The following OSMR variants were observed in gnomAD, a reference collection of about 807,000 sequenced individuals.
OSMR encodes the protein oncostatin M receptor.
Under a neutral mutation model 99.9 loss-of-function variants are expected in OSMR, and 81 were observed. That is an observed-to-expected ratio of 0.81 (90% CI 0.68 to 0.97). The LOEUF is 0.97. Ranked by LOEUF, OSMR falls within the 50% of genes least tolerant of loss-of-function variation. The pLI, the probability that OSMR is intolerant of heterozygous loss-of-function variation, is 0.00. For synonymous variants in OSMR, 406 were observed against 410.4 expected, an observed-to-expected ratio of 0.99 and a Z score of 0.13; for missense variants, 1,099 against 1,153.4, an observed-to-expected ratio of 0.95 and a Z score of 0.68.
chr5:38,891,061 T>A (rs1382331072), intron 7 of OSMR, among the ~76,000 whole-genome samples: 1 of 152,240 alleles, frequency 6.6e-6, no homozygotes, highest in African/African-American at 2.4e-5. Context: ...TAGTGGATTT[T>A]AATTGGCCAT....
intron 1 of OSMR, chr5:38,942,883 G>A (rs1294184642): frequency 2.5e-6 from 4 of 1,611,884 alleles, no homozygotes; most frequent in Non-Finnish European, 3.4e-6. Flanking sequence ...CTCCGACACG[G>A]AAGTCTGAAT....
At chr5:38,908,613 C>A (rs1163895072) in intron 9 of OSMR, among the ~76,000 whole-genome samples, 1 of 152,188 alleles carries the variant, frequency 6.6e-6, no homozygotes, top group Non-Finnish European at 1.5e-5. Flanking sequence ...TGATACCAGT[C>A]CTGCAGAGTT....
intron 9 of OSMR, among the ~76,000 whole-genome samples, chr5:38,907,569 C>A (rs530121312): frequency 3.4e-3 from 522 of 152,282 alleles, no homozygotes; most frequent in Non-Finnish European, 5.6e-3. Context: ...TCTGAGTGAT[C>A]CCCTGTCTGC....
intron 9 of OSMR, among the ~76,000 whole-genome samples, chr5:38,910,495 G>A (rs116075111): frequency 0.011 from 1,603 of 152,114 alleles, 19 homozygotes; most frequent in South Asian, 0.04. Flanking sequence ...AAGAAAACCC[G>A]AAATAATACC....
chr5:38,854,011 G>A (rs1480752562), intron 1 of OSMR, among the ~76,000 whole-genome samples: 1 of 151,474 alleles, frequency 6.6e-6, no homozygotes, highest in Non-Finnish European at 1.5e-5. Flanking sequence ...CTCTTCAAAG[G>A]GGCTCTCAAA....
intron 7 of OSMR, chr5:38,886,479 G>T (rs112219405): frequency 2.1e-5 from 10 of 478,770 alleles, no homozygotes; most frequent in South Asian, 4.9e-5. Context: ...CCCCACCTTC[G>T]CTCCTTCCGC....
At chr5:38,908,341 C>A (rs1745374423) in intron 9 of OSMR, among the ~76,000 whole-genome samples, 1 of 152,228 alleles carries the variant, frequency 6.6e-6, no homozygotes, top group South Asian at 2.1e-4. Flanking sequence ...CCTGCATCCC[C>A]CCACCAGGGC....
chr5:38,903,713 G>T, intron 7 of OSMR, 169 bp from the exon 8 acceptor site: 2 of 874,282 alleles, frequency 2.3e-6, no homozygotes, highest in Non-Finnish European at 1.4e-6. Context: ...GAGAGAGAAA[G>T]GCTGTAGTTG....
In OSMR at chr5:38,855,601, C is replaced by CATTCTCAA. The variant is rs550292235; in HGVS notation, c.-14+9219_-14+9226dup. Among the ~76,000 whole-genome samples, 6 of 152,196 alleles carry CATTCTCAA rather than the reference C, an allele frequency of 3.9e-5. No homozygotes were observed. The South Asian group carries it at 1.2e-3, about 32-fold the overall frequency. On this transcript the variant is annotated intron_variant, in intron 1 of 17. Transcript: ENST00000274276. ...GTCCTGTCAGCTCTATCTTTTAAAT[C>CATTCTCAA]ATTCTCAAATTCCACCACTGCTCAC...
chr5:38,912,328 A>G (rs1745641238), intron 9 of OSMR, among the ~76,000 whole-genome samples: 2 of 152,190 alleles, frequency 1.3e-5, no homozygotes, highest in Non-Finnish European at 2.9e-5. Context: ...TACTTTCGAT[A>G]CTCACATACA....
downstream of OSMR, chr5:38,940,262 A>G (rs1478473919): frequency 4.3e-6 from 1 of 231,332 alleles, no homozygotes; most frequent in African/African-American, 2.2e-5. Context: ...TGTGTGTAAG[A>G]CAAAAAAAAA....
chr5:38,894,739 G>A (rs928104558), intron 7 of OSMR, among the ~76,000 whole-genome samples: 1 of 151,968 alleles, frequency 6.6e-6, no homozygotes, highest in Non-Finnish European at 1.5e-5. Flanking sequence ...ACTTAGATAA[G>A]CACACAACCA....
At chr5:38,869,257 G>A (rs1742187563) in intron 2 of OSMR, 140 bp downstream of exon 2, 1 of 779,756 alleles carries the variant, frequency 1.3e-6, no homozygotes, top group East Asian at 2.5e-5. Flanking sequence ...GAGGAGATTT[G>A]TCAATCTCTC....
At chr5:38,879,506 A>T (rs1743096197) in intron 3 of OSMR, among the ~76,000 whole-genome samples, 1 of 152,170 alleles carries the variant, frequency 6.6e-6, no homozygotes, top group Non-Finnish European at 1.5e-5. Context: ...GCTGCATTTA[A>T]GGGACAGAAG....
chr5:38,873,737 A>C (rs1742569612), intron 2 of OSMR, among the ~76,000 whole-genome samples: 1 of 152,208 alleles, frequency 6.6e-6, no homozygotes, highest in Non-Finnish European at 1.5e-5. Context: ...TTAGTGACTA[A>C]TGATATTGAA....
chr5:38,919,289 A>T, intron 11 of OSMR: 1 of 1,495,712 alleles, frequency 6.7e-7, no homozygotes, highest in Non-Finnish European at 8.9e-7. Context: ...ATTTCTGTCC[A>T]GGGGATTCTT....
chr5:38,912,740 G>T (rs1235829073), intron 9 of OSMR, among the ~76,000 whole-genome samples: 2 of 152,126 alleles, frequency 1.3e-5, no homozygotes, highest in Non-Finnish European at 2.9e-5. Flanking sequence ...ATAGACCAAT[G>T]AAGCAGAATA....
intron 1 of OSMR, chr5:38,941,744 A>G (rs991221945): frequency 4.3e-6 from 1 of 232,322 alleles, no homozygotes; most frequent in South Asian, 1.8e-4. Flanking sequence ...CTTTGAGGTT[A>G]TAAACCTCTG....
chr5:38,924,500 C>T lies in OSMR; in HGVS notation c.1949C>T (p.Thr650Ile). ...ACTCTGAGTTGGAAAGATTACTCTA[C>T]TGAATCTCAACCTGGTTTTATACAA... ...SFTLSWKDYS[T>I]ESQPGFIQGY... The change falls in exon 14 of 18, where the codon ACT becomes ATT. Residue 650 changes from threonine (T) to isoleucine (I), a missense_variant. Physicochemically the swap from Thr to Ile is moderately conservative, Grantham distance 89. Coordinates refer to ENST00000274276, the MANE Select transcript of OSMR (RefSeq NM_003999.3). 1 of 1,614,122 alleles carries T rather than the reference C, an allele frequency of 6.2e-7. No individual in the cohort carries two copies. Among genetic ancestry groups the T allele is most frequent in the Non-Finnish European group, 8.5e-7 (1 of 1,179,932 alleles).
Sources: allele counts gnomAD v4.1 joint callset (sites outside exome capture counted in the v4.1 genomes callset), GRCh38; gene constraint gnomAD v4.1.1; transcripts MANE v1.5; gene names NCBI Gene and HGNC (gene_info 2026-07-23, HGNC 2026-07-21).